Variants in MLLT10 observed in about 807,000 individuals in gnomAD.
The protein encoded by MLLT10 is protein AF-10.
A neutral mutation model predicts 129.1 loss-of-function variants in MLLT10; 30 were observed. The ratio of observed to expected loss-of-function variants is 0.23; its 90% CI spans 0.17 to 0.32. The LOEUF (loss-of-function observed/expected upper bound fraction) is 0.32, where lower values mean the gene tolerates loss of function less well. Ranked by LOEUF, MLLT10 falls within the 10% of genes least tolerant of loss-of-function variation. The pLI is 1.00. For missense variants in MLLT10, 1,119 were observed against 1,268.3 expected (o/e 0.88, Z 1.79); for synonymous variants, 490 against 446.4 (o/e 1.10, Z -1.23).
intron 8 of MLLT10, among the ~76,000 whole-genome samples, chr10:21,631,331 AAAAAG>A (rs2046989493): frequency 1.3e-5 from 2 of 151,148 alleles, no homozygotes; most frequent in African/African-American, 4.8e-5. Flanking sequence ...AAAAAAAAAA[AAAAAG>A]AAAAGTAATG....
chr10:21,666,458 G>T (rs1281950138), intron 9 of MLLT10, among the ~76,000 whole-genome samples: 1 of 152,040 alleles, frequency 6.6e-6, no homozygotes, highest in African/African-American at 2.4e-5. Context: ...GAGGTCAAGA[G>T]ATCAAGACCA....
At chr10:21,626,128 G>T in intron 8 of MLLT10, 1 of 1,610,060 alleles carries the variant, frequency 6.2e-7, no homozygotes, top group Non-Finnish European at 8.5e-7. Flanking sequence ...CTCTCTGCCT[G>T]TAGGTCTTCA....
chr10:21,580,455 C>A (rs987484554), intron 3 of MLLT10, among the ~76,000 whole-genome samples: 2 of 146,316 alleles, frequency 1.4e-5, no homozygotes, highest in African/African-American at 5.1e-5. Context: ...GTGGCATGAT[C>A]TTGGCTCACT....
At chr10:21,639,928 G>T (rs1034299661) in intron 8 of MLLT10, among the ~76,000 whole-genome samples, 4 of 151,820 alleles carry the variant, frequency 2.6e-5, no homozygotes, top group Admixed American at 2.6e-4. Context: ...GGGCAGGAAA[G>T]GTCCGAAAGA....
chr10:21,552,429 CA>C (rs1237401539), intron 3 of MLLT10, among the ~76,000 whole-genome samples: 2 of 91,684 alleles, frequency 2.2e-5, no homozygotes, highest in African/African-American at 4.7e-5. Context: ...TTGCTTTTGT[CA>C]CCCAGGCCAG....
chr10:21,695,950 GTTTTT>G (rs58949058), intron 13 of MLLT10, among the ~76,000 whole-genome samples: 1 of 131,548 alleles, frequency 7.6e-6, no homozygotes. Context: ...TTGTGTGTGG[GTTTTT>G]TTTTTTTTTT....
At chr10:21,651,386 A>T (rs2049017260) in intron 8 of MLLT10, among the ~76,000 whole-genome samples, 1 of 152,132 alleles carries the variant, frequency 6.6e-6, no homozygotes. Flanking sequence ...GGTGTTTTTA[A>T]GGAGAAAAAG....
chr10:21,553,710 C>T (rs866075094), intron 3 of MLLT10, among the ~76,000 whole-genome samples: 2 of 145,528 alleles, frequency 1.4e-5, no homozygotes, highest in East Asian at 2.1e-4. Context: ...AGTGCAGTGA[C>T]GTGATCTTGG....
intron 3 of MLLT10, among the ~76,000 whole-genome samples, chr10:21,550,463 T>C (rs1184492089): frequency 6.6e-6 from 1 of 152,220 alleles, no homozygotes; most frequent in African/African-American, 2.4e-5. Flanking sequence ...TAGTCAGTCC[T>C]ACCCTCTAAG....
chr10:21,611,674 G>A (rs113366458), intron 5 of MLLT10, among the ~76,000 whole-genome samples: 6 of 152,036 alleles, frequency 3.9e-5, no homozygotes, highest in South Asian at 4.2e-4. Context: ...TTAATATTGC[G>A]TATTAGTTAC....
At chr10:21,570,665 T>G (rs766999799) in intron 3 of MLLT10, among the ~76,000 whole-genome samples, 7 of 152,046 alleles carry the variant, frequency 4.6e-5, no homozygotes, top group Middle Eastern at 3.2e-3. Context: ...CATCTTAGAC[T>G]TTGTAATTTT....
At chr10:21,625,980 C>G (rs1023475795) in intron 8 of MLLT10, 1 of 885,876 alleles carries the variant, frequency 1.1e-6, no homozygotes, top group African/African-American at 1.6e-5. Context: ...CCAGAGTACA[C>G]ACTGTTTGGT....
intron 13 of MLLT10, among the ~76,000 whole-genome samples, chr10:21,687,608 C>A (rs1053387000): frequency 6.6e-6 from 1 of 151,970 alleles, no homozygotes; most frequent in Non-Finnish European, 1.5e-5. Flanking sequence ...ACAAGTGCTA[C>A]GAAGTTTGTT....
At chr10:21,729,367 A>G (rs151278093) in intron 16 of MLLT10, among the ~76,000 whole-genome samples, 2 of 152,302 alleles carry the variant, frequency 1.3e-5, no homozygotes, top group African/African-American at 4.8e-5. Flanking sequence ...GGACTTAACA[A>G]ATGGTACTAA....
At chr10:21,571,499 G>A (rs1427274513) in intron 3 of MLLT10, among the ~76,000 whole-genome samples, 1 of 152,232 alleles carries the variant, frequency 6.6e-6, no homozygotes, top group Non-Finnish European at 1.5e-5. Context: ...GGGCACACGT[G>A]CGGCCCATTT....
At chr10:21,559,740 G>A (rs2038560401) in intron 3 of MLLT10, among the ~76,000 whole-genome samples, 1 of 152,144 alleles carries the variant, frequency 6.6e-6, no homozygotes, top group Non-Finnish European at 1.5e-5. Context: ...CACTTTGAAT[G>A]TTTTCAAGGT....
chr10:21,721,084 A>G (rs1250528617), intron 14 of MLLT10, among the ~76,000 whole-genome samples: 1 of 152,208 alleles, frequency 6.6e-6, no homozygotes, highest in Non-Finnish European at 1.5e-5. Flanking sequence ...GTGAGCCTGA[A>G]TATTTTTGGA....
At chr10:21,611,433 T>A (rs1564505459) in intron 5 of MLLT10, among the ~76,000 whole-genome samples, 1 of 152,122 alleles carries the variant, frequency 6.6e-6, no homozygotes, top group Non-Finnish European at 1.5e-5. Flanking sequence ...GCAAAGTGAA[T>A]GAAACCATTT....
At chr10:21,625,622 T>C (rs1172288368) in intron 8 of MLLT10, 1 of 757,310 alleles carries the variant, frequency 1.3e-6, no homozygotes, top group East Asian at 2.5e-5. Flanking sequence ...GAGAATGACG[T>C]CCACCAAACC....
Sources: allele counts gnomAD v4.1 joint callset (sites outside exome capture counted in the v4.1 genomes callset), GRCh38; gene constraint gnomAD v4.1.1; transcripts MANE v1.5; gene names NCBI Gene and HGNC (gene_info 2026-07-23, HGNC 2026-07-21).